PPARGC1A: variants seen among roughly 807,000 people sequenced by gnomAD.
The protein encoded by PPARGC1A is peroxisome proliferator-activated receptor gamma coactivator 1-alpha.
In PPARGC1A, 25 loss-of-function variants were observed where a neutral mutation model predicts 88.7. The ratio of observed to expected loss-of-function variants is 0.28; its 90% confidence interval spans 0.21 to 0.39. The LOEUF (loss-of-function observed/expected upper bound fraction) is 0.39. Among genes scored for constraint, PPARGC1A ranks in the 10% least tolerant of loss-of-function variants. The probability of loss-of-function intolerance (pLI) is 1.00; values close to 1 mark genes in which losing one functional copy is unlikely to be tolerated. For synonymous variants in PPARGC1A, 363 were observed against 355.6 expected, an observed-to-expected ratio of 1.02 and a Z score of -0.24; for missense variants, 880 against 968.7, an observed-to-expected ratio of 0.91 and a Z score of 1.22.
the PPARGC1A span, among the ~76,000 whole-genome samples, chr4:24,210,316 C>T: frequency 6.6e-6 from 1 of 152,148 alleles, no homozygotes; most frequent in Non-Finnish European, 1.5e-5. Flanking sequence ...ATCATACCAC[C>T]TTTTATTAAG....
At chr4:24,087,973 C>T in the PPARGC1A span, among the ~76,000 whole-genome samples, 12,514 of 152,112 alleles carry the variant, frequency 0.082, 584 homozygotes, top group East Asian at 0.17. Context: ...AAAATCCTTT[C>T]GGGGAAGTTT....
chr4:23,911,400 C>T, the PPARGC1A span, among the ~76,000 whole-genome samples: 1 of 152,146 alleles, frequency 6.6e-6, no homozygotes, highest in Non-Finnish European at 1.5e-5. Context: ...GGCAGCGATG[C>T]GAACACAAAT....
the PPARGC1A span, among the ~76,000 whole-genome samples, chr4:24,032,094 T>C: frequency 2.0e-5 from 3 of 152,346 alleles, no homozygotes; most frequent in South Asian, 6.2e-4. Context: ...AGCAGCGATA[T>C]AGATGCTTTC....
chr4:23,906,334 C>G (rs540428982), upstream of PPARGC1A, among the ~76,000 whole-genome samples: 4 of 151,652 alleles, frequency 2.6e-5, no homozygotes, highest in Non-Finnish European at 5.9e-5. Flanking sequence ...GTTTTCCAGC[C>G]GGGCGCGGTG....
At chr4:23,872,396 T>G (rs763147915) in intron 2 of PPARGC1A, among the ~76,000 whole-genome samples, 1 of 152,140 alleles carries the variant, frequency 6.6e-6, no homozygotes, top group African/African-American at 2.4e-5. Flanking sequence ...ACATCATAAA[T>G]TTCAGGTCTT....
the PPARGC1A span, among the ~76,000 whole-genome samples, chr4:24,179,475 C>A: frequency 3.9e-5 from 6 of 152,004 alleles, no homozygotes; most frequent in Non-Finnish European, 5.9e-5. Context: ...TTGCACTCTT[C>A]CATGTTCTCT....
the PPARGC1A span, among the ~76,000 whole-genome samples, chr4:24,046,596 A>G: frequency 1.4e-4 from 21 of 152,146 alleles, no homozygotes; most frequent in African/African-American, 2.4e-5. Context: ...GCTCAGGATA[A>G]AATCTAAGAT....
At chr4:24,177,818 C>A in the PPARGC1A span, among the ~76,000 whole-genome samples, 1 of 151,790 alleles carries the variant, frequency 6.6e-6, no homozygotes, top group Admixed American at 6.6e-5. Flanking sequence ...AAGAAAGAGA[C>A]CAACAGGAAA....
chr4:24,114,168 T>C, the PPARGC1A span, among the ~76,000 whole-genome samples: 1 of 148,120 alleles, frequency 6.8e-6, no homozygotes, highest in East Asian at 2.0e-4. Flanking sequence ...GAACCCTGGG[T>C]TCCAGATGAT....
chr4:23,903,650 G>A (rs192171845), upstream of PPARGC1A, among the ~76,000 whole-genome samples: 15 of 152,028 alleles, frequency 9.9e-5, no homozygotes, highest in East Asian at 1.9e-4. Flanking sequence ...CAGAAAACTG[G>A]AGCAGTGGAT....
the PPARGC1A span, among the ~76,000 whole-genome samples, chr4:24,034,486 C>T: frequency 6.6e-6 from 1 of 152,126 alleles, no homozygotes; most frequent in Non-Finnish European, 1.5e-5. Context: ...GATTGTTATT[C>T]ATTAATTGGT....
chr4:24,174,003 G>A, the PPARGC1A span, among the ~76,000 whole-genome samples: 12 of 152,204 alleles, frequency 7.9e-5, no homozygotes, highest in Admixed American at 2.6e-4. Context: ...TGAGGACCTT[G>A]GAATTTAGAT....
At chr4:24,400,900 TC>T in the PPARGC1A span, among the ~76,000 whole-genome samples, 1 of 152,202 alleles carries the variant, frequency 6.6e-6, no homozygotes, top group Non-Finnish European at 1.5e-5. Flanking sequence ...AATGGAGCAT[TC>T]TTTGTTTTAA....
At chr4:24,005,325 AG>A in the PPARGC1A span, among the ~76,000 whole-genome samples, 54 of 152,202 alleles carry the variant, frequency 3.5e-4, no homozygotes, top group Non-Finnish European at 5.7e-4. Flanking sequence ...AACTTAAAAT[AG>A]GGCTTAGGAA....
At chr4:24,200,894 CTA>C in the PPARGC1A span, among the ~76,000 whole-genome samples, 1 of 152,050 alleles carries the variant, frequency 6.6e-6, no homozygotes, top group South Asian at 2.1e-4. Context: ...ACTCTGTTTT[CTA>C]TGTTTCTTAT....
the PPARGC1A span, among the ~76,000 whole-genome samples, chr4:24,459,509 G>A: frequency 6.6e-6 from 1 of 152,118 alleles, no homozygotes; most frequent in Non-Finnish European, 1.5e-5. Context: ...AAAAAAACTG[G>A]GCCAGGTGCA....
At chr4:23,936,008 C>T in the PPARGC1A span, among the ~76,000 whole-genome samples, 9 of 151,714 alleles carry the variant, frequency 5.9e-5, 1 homozygote, top group Middle Eastern at 3.4e-3. Context: ...CTTTTCAGCA[C>T]GTTTAATTTA....
the PPARGC1A span, among the ~76,000 whole-genome samples, chr4:24,272,407 A>G: frequency 1.3e-5 from 2 of 152,106 alleles, no homozygotes; most frequent in African/African-American, 4.8e-5. Flanking sequence ...AATCCCTAAC[A>G]GGTGAATGCA....
the PPARGC1A span, among the ~76,000 whole-genome samples, chr4:24,450,439 C>T: frequency 7.9e-5 from 12 of 152,306 alleles, no homozygotes; most frequent in African/African-American, 2.6e-4. Context: ...ACAAGACCTT[C>T]GCCATCACAT....
Sources: gnomAD v4.1 joint callset for allele counts (sites outside exome capture counted in the v4.1 genomes callset) on GRCh38, gnomAD v4.1.1 for gene constraint, MANE v1.5 for transcripts, NCBI Gene and HGNC (gene_info 2026-07-23, HGNC 2026-07-21) for gene names.